MYCBP2: variants seen among roughly 807,000 people sequenced by gnomAD.
MYCBP2 encodes the protein MYC binding protein 2, also known as E3 ubiquitin-protein ligase MYCBP2.
In MYCBP2, 120 loss-of-function variants were observed where a neutral mutation model predicts 525.3. That is an observed-to-expected ratio of 0.23 (90% CI 0.20 to 0.27). MYCBP2 has a LOEUF of 0.27. MYCBP2 is among the 10% of genes least tolerant of loss of function. The pLI, the probability that MYCBP2 is intolerant of heterozygous loss-of-function variation, is 1.00. For synonymous variants in MYCBP2, 1,894 were observed against 1,955.8 expected, an observed-to-expected ratio of 0.97 and a Z score of 0.83; for missense variants, 4,149 against 5,657.1, an observed-to-expected ratio of 0.73 and a Z score of 8.55.
chr13:77,146,143 T>C lies in MYCBP2; in HGVS notation c.7187+19A>G. On this transcript the variant is annotated intron_variant, in intron 48 of 82. Coordinates refer to ENST00000544440, the MANE Select transcript of MYCBP2 (RefSeq NM_015057.5). ...TGACAACACATGTTTTGGTTATACT[T>C]TGAGAAAACGATCCTTACCTCTTAG... 1.3e-6 allele frequency: 2 copies of C among 1,556,330 alleles called. No individual in the cohort carries two copies. The highest frequency in any genetic ancestry group is 1.7e-6 in the Non-Finnish European group (2 of 1,149,434).
chr13:77,265,254 A>G (rs1461888564), intron 8 of MYCBP2, among the ~76,000 whole-genome samples: 1 of 152,094 alleles, frequency 6.6e-6, no homozygotes, highest in Non-Finnish European at 1.5e-5. Flanking sequence ...CACTGTACAG[A>G]ACACAAAGAG....
chr13:77,215,247 A>G (rs903291297), intron 21 of MYCBP2, among the ~76,000 whole-genome samples: 1 of 152,210 alleles, frequency 6.6e-6, no homozygotes, highest in African/African-American at 2.4e-5. Context: ...GCCCCACTCT[A>G]TTCCAAAGGA....
At chr13:77,191,043 G>A (rs368617424) in intron 28 of MYCBP2, among the ~76,000 whole-genome samples, 3 of 152,148 alleles carry the variant, frequency 2.0e-5, no homozygotes, top group East Asian at 3.8e-4. Context: ...TGGATTTAGA[G>A]TCAACAGGTT....
chr13:77,196,510 C>G (rs1193587166), intron 26 of MYCBP2, among the ~76,000 whole-genome samples: 1 of 152,148 alleles, frequency 6.6e-6, no homozygotes, highest in Non-Finnish European at 1.5e-5. Flanking sequence ...CATGACCCAA[C>G]CTGATAGCAG....
At chr13:77,319,398 G>A (rs1055258640) in intron 1 of MYCBP2, among the ~76,000 whole-genome samples, 1 of 152,152 alleles carries the variant, frequency 6.6e-6, no homozygotes. Context: ...TGCCCAACCA[G>A]AACACTGACC....
At chr13:77,100,854 A>C (rs1481576831) in intron 55 of MYCBP2, among the ~76,000 whole-genome samples, 1 of 152,078 alleles carries the variant, frequency 6.6e-6, no homozygotes, top group Non-Finnish European at 1.5e-5. Flanking sequence ...AAAAAATCCC[A>C]ATTTAGAATT....
At chr13:77,219,692 T>A (rs1466006088) in intron 20 of MYCBP2, among the ~76,000 whole-genome samples, 1 of 152,024 alleles carries the variant, frequency 6.6e-6, no homozygotes, top group South Asian at 2.1e-4. Context: ...GGCTGAATAA[T>A]TTCTTACATC....
intron 1 of MYCBP2, among the ~76,000 whole-genome samples, chr13:77,319,952 G>A (rs967759393): frequency 2.6e-5 from 4 of 152,228 alleles, no homozygotes; most frequent in East Asian, 1.9e-4. Flanking sequence ...AGTTTATTGC[G>A]GAGTGCCCTC....
chr13:77,136,157 TG>T (rs1212981029), intron 52 of MYCBP2, among the ~76,000 whole-genome samples: 1 of 152,222 alleles, frequency 6.6e-6, no homozygotes, highest in Admixed American at 6.5e-5. Context: ...ATCATCTGTG[TG>T]TCTTCAAGTC....
At chr13:77,316,212 A>T (rs545853912) in intron 1 of MYCBP2, among the ~76,000 whole-genome samples, 18 of 152,356 alleles carry the variant, frequency 1.2e-4, no homozygotes, top group African/African-American at 3.8e-4. Context: ...AATGAGCTTA[A>T]CAAGATCAGA....
In MYCBP2 at chr13:77,165,326, A is replaced by G; in HGVS notation, c.6406T>C (p.Tyr2136His). The change falls in exon 42 of 83, where the codon TAT becomes CAT. Residue 2136 changes from tyrosine to histidine, a missense_variant. By Grantham distance (83) the Tyr-to-His change is moderately conservative (BLOSUM62 2). This residue lies in a region of MYCBP2 where 692 missense variants were observed against 852.7 expected (regional missense o/e 0.81). Coordinates refer to ENST00000544440, the MANE Select transcript of MYCBP2 (RefSeq NM_015057.5). ...CCAATTGCAAAACACTTAAAACCAT[A>G]GAAAGAAGCTTTGTCATCTTTCACA... Reference protein sequence around the residue: ...DYVKDDKASFYGFKCFAIGYE... With the variant: ...DYVKDDKASFHGFKCFAIGYE... The G allele has an allele frequency of 6.2e-7, 1 of 1,612,888 alleles. No individual in the cohort carries two copies. The highest frequency in any genetic ancestry group is 8.5e-7 in the Non-Finnish European group (1 of 1,179,576).
intron 38 of MYCBP2, among the ~76,000 whole-genome samples, chr13:77,170,642 T>G (rs2059040700): frequency 1.3e-5 from 2 of 151,402 alleles, no homozygotes; most frequent in South Asian, 4.2e-4. Flanking sequence ...AGTGGTGCGA[T>G]CTCGGCTCAC....
intron 15 of MYCBP2, among the ~76,000 whole-genome samples, chr13:77,244,484 C>T (rs756475710): frequency 2.0e-5 from 3 of 152,116 alleles, no homozygotes; most frequent in East Asian, 1.9e-4. Context: ...GAAACTGGAC[C>T]CCTTCCTTAC....
At position 77,116,563 on chromosome 13, in the gene MYCBP2, T is replaced by C. The variant is rs111899664; in HGVS notation, c.8140+4810A>G. Among the ~76,000 whole-genome samples, 758 of 152,126 alleles carry C rather than the reference T, an allele frequency of 5.0e-3. 6 individuals are homozygous for C. The highest frequency in any genetic ancestry group is 0.017 in the African/African-American group (708 of 41,554). On this transcript the variant is annotated intron_variant, in intron 55 of 82. Transcript: ENST00000544440. ...ATTTGGAAGTCAAAATTTAGAGACG[T>C]CCTGTTGCGAATAAGAAGTTTAAAA... is the stretch of plus-strand genomic sequence containing the variant.
chr13:77,251,459 G>A, intron 14 of MYCBP2, 104 bp from the exon 15 acceptor site: 2 of 909,408 alleles, frequency 2.2e-6, no homozygotes, highest in East Asian at 2.5e-5. Flanking sequence ...GCTAATCCAA[G>A]CAATTATACA....
chr13:77,069,110 C>T (rs1032724671), intron 69 of MYCBP2, among the ~76,000 whole-genome samples: 6 of 152,164 alleles, frequency 3.9e-5, no homozygotes, highest in Admixed American at 2.6e-4. Flanking sequence ...CAGTTTAGCA[C>T]GTCAAAAACC....
intron 32 of MYCBP2, among the ~76,000 whole-genome samples, chr13:77,182,767 G>A (rs1376331372): frequency 6.6e-6 from 1 of 152,184 alleles, no homozygotes; most frequent in Non-Finnish European, 1.5e-5. Context: ...CACGAAGGAG[G>A]GCGGGGAGGC....
intron 56 of MYCBP2, among the ~76,000 whole-genome samples, chr13:77,096,939 A>T (rs952855529): frequency 1.3e-5 from 2 of 152,164 alleles, no homozygotes; most frequent in African/African-American, 4.8e-5. Context: ...CATTTACTGA[A>T]AATGCAGTCT....
chr13:77,085,727 C>A (rs1237428121), intron 62 of MYCBP2, among the ~76,000 whole-genome samples: 1 of 152,156 alleles, frequency 6.6e-6, no homozygotes, highest in Non-Finnish European at 1.5e-5. Flanking sequence ...TCTGAACAAA[C>A]CTAGGCCAGC....
Sources: gnomAD v4.1 joint callset for allele counts (sites outside exome capture counted in the v4.1 genomes callset) on GRCh38, gnomAD v4.1.1 for gene constraint, gnomAD v4.1.1 regional missense constraint, MANE v1.5 for transcripts, NCBI Gene and HGNC (gene_info 2026-07-23, HGNC 2026-07-21) for gene names.